The following LOC400499 variants were observed in gnomAD, a reference collection of about 807,000 sequenced individuals.
chr16:11,414,745 T>A, the LOC400499 span, among the ~76,000 whole-genome samples: 4 of 152,330 alleles, frequency 2.6e-5, no homozygotes, highest in African/African-American at 4.8e-5. Context: ...CCTTCTCTCA[T>A]TGAAGTTGAA....
At chr16:11,488,084 T>A in the LOC400499 span, among the ~76,000 whole-genome samples, 1 of 148,350 alleles carries the variant, frequency 6.7e-6, no homozygotes, top group Non-Finnish European at 1.5e-5. Context: ...GCCACTGTAC[T>A]CCAGCCTGGG....
chr16:11,424,145 G>A, the LOC400499 span: 1 of 399,358 alleles, frequency 2.5e-6, no homozygotes, highest in East Asian at 3.6e-5. Context: ...AGAAGGGGAG[G>A]CCCCAGTGCT....
chr16:11,481,697 A>G, the LOC400499 span, among the ~76,000 whole-genome samples: 1 of 151,966 alleles, frequency 6.6e-6, no homozygotes, highest in Non-Finnish European at 1.5e-5. Context: ...CAGTGGTGCT[A>G]TCTTGGCTCT....
At chr16:11,408,998 T>C in the LOC400499 span, among the ~76,000 whole-genome samples, 1 of 152,022 alleles carries the variant, frequency 6.6e-6, no homozygotes, top group Admixed American at 6.6e-5. Context: ...CAGTGACTCA[T>C]GCCTGTAATC....
chr16:11,496,694 G>C, the LOC400499 span, among the ~76,000 whole-genome samples: 1 of 152,100 alleles, frequency 6.6e-6, no homozygotes, highest in African/African-American at 2.4e-5. Context: ...TGTGTCCCTT[G>C]TGTGCCCACG....
At chr16:11,447,984 C>G in the LOC400499 span, 2 of 1,535,976 alleles carry the variant, frequency 1.3e-6, no homozygotes, top group African/African-American at 1.4e-5. Flanking sequence ...CTTGCCTCAG[C>G]TCCTCCAGCT....
At chr16:11,428,906 A>G in the LOC400499 span, among the ~76,000 whole-genome samples, 9 of 151,780 alleles carry the variant, frequency 5.9e-5, no homozygotes, top group Non-Finnish European at 1.2e-4. Context: ...CAACTTTTCT[A>G]TATGCTTGCA....
the LOC400499 span, among the ~76,000 whole-genome samples, chr16:11,418,607 C>T: frequency 1.3e-5 from 2 of 152,294 alleles, no homozygotes; most frequent in African/African-American, 4.8e-5. Context: ...AAATGGGCAA[C>T]CAGCAGCCCT....
the LOC400499 span, among the ~76,000 whole-genome samples, chr16:11,393,216 A>C: frequency 1.4e-5 from 2 of 145,436 alleles, no homozygotes; most frequent in Admixed American, 1.4e-4. Context: ...CTGGTCCTGA[A>C]CTCCTGAGCT....
the LOC400499 span, among the ~76,000 whole-genome samples, chr16:11,458,466 T>G: frequency 1.3e-5 from 2 of 150,912 alleles, no homozygotes; most frequent in East Asian, 3.9e-4. Context: ...GATTGCACCA[T>G]TGTACTCCAG....
At chr16:11,477,905 G>C in the LOC400499 span, 226 of 399,044 alleles carry the variant, frequency 5.7e-4, 2 homozygotes, top group East Asian at 7.9e-3. Flanking sequence ...GATGGCAGCC[G>C]AGGCATTTAG....
chr16:11,495,580 A>G, the LOC400499 span, among the ~76,000 whole-genome samples: 1 of 152,100 alleles, frequency 6.6e-6, no homozygotes, highest in Non-Finnish European at 1.5e-5. Context: ...GGGTTTCACC[A>G]TGTTGGCCAG....
At chr16:11,487,490 G>A in the LOC400499 span, 1 of 396,430 alleles carries the variant, frequency 2.5e-6, no homozygotes, top group Admixed American at 4.4e-5. Context: ...TACATGGTGT[G>A]TCTTCCCACC....
At chr16:11,380,339 G>T in the LOC400499 span, among the ~76,000 whole-genome samples, 1 of 151,430 alleles carries the variant, frequency 6.6e-6, no homozygotes, top group African/African-American at 2.4e-5. Flanking sequence ...AATTTCTCTG[G>T]CCGGACACAA....
At chr16:11,499,161 G>C in the LOC400499 span, among the ~76,000 whole-genome samples, 1 of 16 alleles carries the variant, frequency 0.062, no homozygotes, top group East Asian at 0.17. Context: ...AAGGGAGGCA[G>C]AGGGGAGGGG....
the LOC400499 span, among the ~76,000 whole-genome samples, chr16:11,408,871 T>C: frequency 6.6e-6 from 1 of 152,094 alleles, no homozygotes; most frequent in African/African-American, 2.4e-5. Flanking sequence ...GAGAGCTATG[T>C]GATTATGTGA....
chr16:11,510,133 C>T, the LOC400499 span, among the ~76,000 whole-genome samples: 11 of 151,670 alleles, frequency 7.3e-5, no homozygotes, highest in African/African-American at 2.2e-4. Flanking sequence ...CTTCCCTGAG[C>T]CCCGCTTGGA....
chr16:11,399,921 G>T, the LOC400499 span: 1 of 397,988 alleles, frequency 2.5e-6, no homozygotes, highest in Non-Finnish European at 4.4e-6. Context: ...GAGAGGCTAG[G>T]GAGGATGGAG....
the LOC400499 span, among the ~76,000 whole-genome samples, chr16:11,492,824 G>A: frequency 6.6e-6 from 1 of 152,024 alleles, no homozygotes; most frequent in Non-Finnish European, 1.5e-5. Flanking sequence ...CCCTAAGGAA[G>A]GGAAAATGAA....
Sources: allele counts gnomAD v4.1 joint callset (sites outside exome capture counted in the v4.1 genomes callset), GRCh38; gene constraint gnomAD v4.1.1; transcripts MANE v1.5.